Variants in ARHGEF28 observed in about 807,000 individuals in gnomAD.
The protein encoded by ARHGEF28 is 190 kDa guanine nucleotide exchange factor.
ARHGEF28 carries 152 observed loss-of-function variants against 206.6 expected under a neutral mutation model. The ratio of observed to expected loss-of-function variants is 0.74; its 90% confidence interval spans 0.64 to 0.84. The LOEUF (loss-of-function observed/expected upper bound fraction) is 0.84. Ranked by LOEUF, ARHGEF28 falls within the 40% of genes least tolerant of loss-of-function variation. The pLI, the probability that ARHGEF28 is intolerant of heterozygous loss-of-function variation, is 0.00. For missense variants in ARHGEF28, 2,028 were observed against 2,073.2 expected, an observed-to-expected ratio of 0.98 and a Z score of 0.42; for synonymous variants, 763 against 776.4, an observed-to-expected ratio of 0.98 and a Z score of 0.29.
chr5:73,683,567 C>T (rs1354331390), intron 1 of ARHGEF28, among the ~76,000 whole-genome samples: 1 of 151,880 alleles, frequency 6.6e-6, no homozygotes. Context: ...ATAACATTCC[C>T]CTGTAGGTGT....
chr5:73,673,168 C>G (rs1242949995), intron 1 of ARHGEF28, among the ~76,000 whole-genome samples: 1 of 152,178 alleles, frequency 6.6e-6, no homozygotes, highest in African/African-American at 2.4e-5. Flanking sequence ...TCTCCCTACC[C>G]ATTTCCATTG....
At chr5:73,888,188 T>G (rs1328848618) in intron 26 of ARHGEF28, among the ~76,000 whole-genome samples, 1 of 152,242 alleles carries the variant, frequency 6.6e-6, no homozygotes. Flanking sequence ...ATCGTGTGCC[T>G]TCTGCCAGAC....
chr5:73,885,551 C>T (rs1199649419), intron 24 of ARHGEF28, among the ~76,000 whole-genome samples: 2 of 150,348 alleles, frequency 1.3e-5, no homozygotes, highest in Non-Finnish European at 3.0e-5. Flanking sequence ...GTCTTGGTTC[C>T]CTGCAACCTC....
chr5:73,776,733 G>A (rs1397604039), intron 6 of ARHGEF28, 37 bp downstream of exon 6: 2 of 1,533,826 alleles, frequency 1.3e-6, no homozygotes, highest in African/African-American at 1.4e-5. Context: ...GATAATGCAT[G>A]CTTCAGAGAA....
rs1245399178 is a variant in ARHGEF28, at chr5:73,774,034, A to T, written c.655A>T (p.Thr219Ser). Residue 219 changes from threonine to serine, a missense_variant, in exon 5 of 36, where the codon ACA becomes TCA. Physicochemically the swap from Thr to Ser is moderately conservative, Grantham distance 58. Around this residue, in one of 3 missense-constraint regions of ARHGEF28, gnomAD observed 1,002 missense variants for 1,015.3 expected, o/e 0.99. Coordinates refer to ENST00000513042, the MANE Select transcript of ARHGEF28 (RefSeq NM_001177693.2). ...ACACTCCAAGCTGGTGGAAGACGTC[A>T]CAAAGTGAGTTTAGCTACTTGATAG... ...EGHSKLVEDV[T>S]NFQGRWSPSF... The T allele has an allele frequency of 6.3e-7, 1 of 1,588,228 alleles. No individual in the cohort carries two copies. Among genetic ancestry groups the T allele is most frequent in the Non-Finnish European group, 8.6e-7 (1 of 1,167,100 alleles).
At chr5:73,744,054 G>C (rs1751585859) in intron 2 of ARHGEF28, among the ~76,000 whole-genome samples, 1 of 151,894 alleles carries the variant, frequency 6.6e-6, no homozygotes, top group Non-Finnish European at 1.5e-5. Flanking sequence ...ATACCTCCCA[G>C]GTATTATTGT....
chr5:73,809,824 A>G (rs1231417351), intron 9 of ARHGEF28, among the ~76,000 whole-genome samples: 3 of 152,230 alleles, frequency 2.0e-5, no homozygotes, highest in East Asian at 3.8e-4. Context: ...TGTATCTTCC[A>G]TGAAAGCATT....
At chr5:73,662,069 A>T (rs1561316710) in intron 1 of ARHGEF28, among the ~76,000 whole-genome samples, 1 of 152,252 alleles carries the variant, frequency 6.6e-6, no homozygotes, top group Admixed American at 6.5e-5. Flanking sequence ...TTTGGTATGC[A>T]CAAGCTTGCG....
chr5:73,925,677 T>C (rs1167867549), intron 35 of ARHGEF28, among the ~76,000 whole-genome samples: 1 of 152,238 alleles, frequency 6.6e-6, no homozygotes, highest in Non-Finnish European at 1.5e-5. Flanking sequence ...TGGGTGAATT[T>C]CGCTGATTCT....
rs1580433464 is a variant in ARHGEF28 at position 73,644,251 on chromosome 5, T to C, written c.-12+17929T>C. Among the ~76,000 whole-genome samples the C allele has an allele frequency of 3.9e-5, 6 of 152,234 alleles. No homozygotes were observed. In the South Asian group the frequency reaches 1.2e-3, roughly 32 times the overall value. On this transcript the variant is annotated intron_variant, in intron 1 of 35. Transcript: ENST00000513042. ...GTATTATCTGCACAGTTAGTGAGAG[T>C]CTGTCTTATAGACAAGCATTTAAAC... is the stretch of plus-strand genomic sequence containing the variant.
intron 1 of ARHGEF28, among the ~76,000 whole-genome samples, chr5:73,636,898 A>T (rs1390041078): frequency 6.6e-6 from 1 of 152,284 alleles, no homozygotes; most frequent in South Asian, 2.1e-4. Context: ...CTTGGCTCCC[A>T]GAGTGCTTTC....
rs534779904 is a variant in ARHGEF28, at chr5:73,839,616, TAAGTAAGTCTTAGGCCCTCCAG to T, written c.1147-859_1147-838del. Among the ~76,000 whole-genome samples the T allele has an allele frequency of 3.8e-3, 581 of 152,322 alleles. 3 individuals are homozygous for T. Among genetic ancestry groups the T allele is most frequent in the Middle Eastern group, 6.8e-3 (2 of 294 alleles). ...GCTTTCTCTTTCTGGGGAGGATTTTTAAGTAAGTCTTAGGCCCTCCAGAAGTTCCGTCCTTTCTCTGCCATTC... is the reference window on the plus strand; with the variant it reads ...GCTTTCTCTTTCTGGGGAGGATTTTTAAGTTCCGTCCTTTCTCTGCCATTC... On this transcript the variant is annotated intron_variant, in intron 10 of 35. Coordinates refer to ENST00000513042, the MANE Select transcript of ARHGEF28 (RefSeq NM_001177693.2).
At chr5:73,723,653 C>G (rs950587229) in intron 2 of ARHGEF28, among the ~76,000 whole-genome samples, 34 of 152,104 alleles carry the variant, frequency 2.2e-4, no homozygotes, top group Non-Finnish European at 4.4e-5. Context: ...ACCAGTTCCC[C>G]CATTAAGCTC....
At chr5:73,892,862 A>C (rs1761730386) in intron 27 of ARHGEF28, among the ~76,000 whole-genome samples, 1 of 152,058 alleles carries the variant, frequency 6.6e-6, no homozygotes, top group Non-Finnish European at 1.5e-5. Context: ...CTCTACCTCT[A>C]CTGCACCCCA....
chr5:73,763,408 C>A (rs1217403548), intron 4 of ARHGEF28, among the ~76,000 whole-genome samples: 1 of 152,190 alleles, frequency 6.6e-6, no homozygotes, highest in Non-Finnish European at 1.5e-5. Flanking sequence ...ACTGAATGGA[C>A]CCTGCCTGGC....
intron 2 of ARHGEF28, among the ~76,000 whole-genome samples, chr5:73,701,848 A>G (rs189317378): frequency 5.3e-5 from 8 of 152,202 alleles, no homozygotes; most frequent in Middle Eastern, 6.8e-3. Context: ...AATTTGTTTA[A>G]CCATTTCAGG....
chr5:73,920,348 A>T (rs1054023550), intron 35 of ARHGEF28, among the ~76,000 whole-genome samples: 8 of 152,162 alleles, frequency 5.3e-5, no homozygotes, highest in African/African-American at 1.9e-4. Context: ...CTTCTGCCTC[A>T]TTAGTATTGG....
At chr5:73,910,582 G>C (rs1277757071) in intron 34 of ARHGEF28, among the ~76,000 whole-genome samples, 1 of 151,912 alleles carries the variant, frequency 6.6e-6, no homozygotes, top group Non-Finnish European at 1.5e-5. Flanking sequence ...CTCTTTATAT[G>C]ATCTGTCTTA....
chr5:73,911,857 T>C (rs1276775064), intron 35 of ARHGEF28, among the ~76,000 whole-genome samples: 1 of 152,138 alleles, frequency 6.6e-6, no homozygotes, highest in Non-Finnish European at 1.5e-5. Flanking sequence ...AAAATAATAA[T>C]GTCCTCTTAA....
Sources: gnomAD v4.1 joint callset for allele counts (sites outside exome capture counted in the v4.1 genomes callset) on GRCh38, gnomAD v4.1.1 for gene constraint, gnomAD v4.1.1 regional missense constraint, MANE v1.5 for transcripts, NCBI Gene and HGNC (gene_info 2026-07-23, HGNC 2026-07-21) for gene names.